The following SDHAF3 variants were observed in gnomAD, a reference collection of about 807,000 sequenced individuals.
SDHAF3 encodes succinate dehydrogenase assembly factor 3, mitochondrial.
Under a neutral mutation model 11.5 loss-of-function variants are expected in SDHAF3, and 18 were observed. The observed-to-expected ratio is 1.56, with a 90% CI of 1.08 to 2.32. SDHAF3 has a LOEUF of 2.32. SDHAF3 is among the 30% of genes most tolerant of loss of function. The pLI is 0.00. For missense variants in SDHAF3, 200 were observed against 154.4 expected (o/e 1.30, Z -1.57); for synonymous variants, 72 against 59.3 (o/e 1.21, Z -0.99).
intron 1 of SDHAF3, among the ~76,000 whole-genome samples, chr7:97,124,893 T>C (rs1791552262): frequency 6.6e-6 from 1 of 152,214 alleles, no homozygotes. Context: ...AAGGAGTTTT[T>C]GGGCTGAGAC....
chr7:97,174,881 G>C (rs776988819), intron 1 of SDHAF3, among the ~76,000 whole-genome samples: 1 of 152,098 alleles, frequency 6.6e-6, no homozygotes, highest in Admixed American at 6.5e-5. Context: ...TGAGACTGGC[G>C]TTGTTATGTA....
rs112598522 is a variant in SDHAF3 at position 97,117,710 on chromosome 7, C to T, written c.-14C>T. ...CCTCTGCGCAGGCGCAGTCGGCGGTCGGCGTGGGGCGCTATGCCGGGGCGG... is the reference window on the plus strand; with the variant it reads ...CCTCTGCGCAGGCGCAGTCGGCGGTTGGCGTGGGGCGCTATGCCGGGGCGG... On this transcript the variant is annotated 5_prime_UTR_variant, in exon 1 of 2. Transcript: ENST00000432641. The T allele has an allele frequency of 2.7e-5, 43 of 1,605,528 alleles. No individual in the cohort carries two copies. In the African/African-American group the frequency reaches 3.7e-4, roughly 14 times the overall value.
At chr7:97,166,483 T>C (rs1789506973) in intron 1 of SDHAF3, among the ~76,000 whole-genome samples, 1 of 151,900 alleles carries the variant, frequency 6.6e-6, no homozygotes, top group African/African-American at 2.4e-5. Context: ...AGATAAGGGG[T>C]TGTGGAGAGG....
chr7:97,166,748 G>GC (rs1287174919), intron 1 of SDHAF3, among the ~76,000 whole-genome samples: 2 of 152,024 alleles, frequency 1.3e-5, no homozygotes, highest in South Asian at 2.1e-4. Context: ...TTAGTTGGCG[G>GC]GGGGGGCTTA....
chr7:97,180,871 CTATATT>C, intron 1 of SDHAF3, 135 bp from the exon 2 acceptor site: 1 of 704,446 alleles, frequency 1.4e-6, no homozygotes, highest in Non-Finnish European at 2.3e-6. Flanking sequence ...ATCTTCACAA[CTATATT>C]TATATCTCCT....
intron 1 of SDHAF3, among the ~76,000 whole-genome samples, chr7:97,121,863 T>G (rs549950253): frequency 0.11 from 15,968 of 145,392 alleles, 875 homozygotes; most frequent in Middle Eastern, 0.14. Context: ...TGTTTTTTTT[T>G]TTTTTGTTTT....
chr7:97,136,586 A>G, intron 1 of SDHAF3: 1 of 459,518 alleles, frequency 2.2e-6, no homozygotes, highest in East Asian at 3.1e-5. Context: ...TGAACTATGT[A>G]CAGTACGCTT....
intron 1 of SDHAF3, among the ~76,000 whole-genome samples, chr7:97,140,790 A>C (rs966370213): frequency 6.6e-6 from 1 of 152,226 alleles, no homozygotes; most frequent in Non-Finnish European, 1.5e-5. Context: ...CGTTAACTGC[A>C]CAAATTGTTT....
chr7:97,150,713 A>G (rs1789205961), intron 1 of SDHAF3, among the ~76,000 whole-genome samples: 1 of 151,444 alleles, frequency 6.6e-6, no homozygotes. Flanking sequence ...ACAGGCGCCC[A>G]CCACCACACC....
intron 1 of SDHAF3, among the ~76,000 whole-genome samples, chr7:97,137,649 C>T (rs1376877992): frequency 1.3e-5 from 2 of 152,094 alleles, no homozygotes; most frequent in Non-Finnish European, 2.9e-5. Context: ...CTTTATAAGC[C>T]TGCCACAAAT....
intron 1 of SDHAF3, among the ~76,000 whole-genome samples, chr7:97,178,199 T>A (rs913107457): frequency 1.3e-5 from 2 of 152,228 alleles, no homozygotes; most frequent in Non-Finnish European, 2.9e-5. Context: ...CTTTTTAAGG[T>A]TTATCCATGT....
At chr7:97,127,481 G>A (rs1176072855) in intron 1 of SDHAF3, among the ~76,000 whole-genome samples, 1 of 152,062 alleles carries the variant, frequency 6.6e-6, no homozygotes, top group Non-Finnish European at 1.5e-5. Flanking sequence ...ACTCTCATGG[G>A]ATGTCTTTTT....
intron 1 of SDHAF3, among the ~76,000 whole-genome samples, chr7:97,167,447 T>G (rs1287328242): frequency 6.6e-6 from 1 of 152,200 alleles, no homozygotes; most frequent in Non-Finnish European, 1.5e-5. Flanking sequence ...TCAGGTAGTT[T>G]TTTTAATAGA....
intron 1 of SDHAF3, among the ~76,000 whole-genome samples, chr7:97,167,330 T>C (rs891248258): frequency 1.3e-5 from 2 of 152,352 alleles, no homozygotes; most frequent in Admixed American, 1.3e-4. Flanking sequence ...TTTTTGTTCA[T>C]CTTCTGCTAT....
intron 1 of SDHAF3, chr7:97,136,566 T>C (rs1791773632): frequency 3.8e-6 from 2 of 528,650 alleles, no homozygotes; most frequent in East Asian, 5.7e-5. Context: ...GGCAAGAGTT[T>C]ATGTAAGATT....
At chr7:97,155,699 A>G (rs1261812696) in intron 1 of SDHAF3, among the ~76,000 whole-genome samples, 2 of 152,292 alleles carry the variant, frequency 1.3e-5, no homozygotes, top group South Asian at 2.1e-4. Context: ...TGTATATACA[A>G]TAAGTAACTG....
intron 1 of SDHAF3, among the ~76,000 whole-genome samples, chr7:97,151,564 T>C (rs1010032639): frequency 4.0e-5 from 6 of 149,240 alleles, no homozygotes; most frequent in South Asian, 4.2e-4. Flanking sequence ...AGTGGCACAA[T>C]CTCCGCTCAC....
intron 1 of SDHAF3, among the ~76,000 whole-genome samples, chr7:97,118,255 A>G (rs1424283411): frequency 6.6e-6 from 1 of 152,218 alleles, no homozygotes; most frequent in Non-Finnish European, 1.5e-5. Flanking sequence ...CCATTAATAA[A>G]TTAATGGTTC....
intron 1 of SDHAF3, among the ~76,000 whole-genome samples, chr7:97,128,727 TTCCTTATTACTA>T (rs1248486418): frequency 2.0e-5 from 3 of 152,234 alleles, no homozygotes; most frequent in African/African-American, 7.2e-5. Context: ...AATATTAATT[TTCCTTATTACTA>T]TTTTATTAAA....
Sources: gnomAD v4.1 joint callset for allele counts (sites outside exome capture counted in the v4.1 genomes callset) on GRCh38, gnomAD v4.1.1 for gene constraint, MANE v1.5 for transcripts, NCBI Gene and HGNC (gene_info 2026-07-23, HGNC 2026-07-21) for gene names.